FLOT2: variants seen among roughly 807,000 people sequenced by gnomAD.
FLOT2 encodes flotillin 2, also known as flotillin-2.
Under a neutral mutation model 54.9 loss-of-function variants are expected in FLOT2, and 35 were observed. That is an observed-to-expected ratio of 0.64 (90% CI 0.49 to 0.84). The LOEUF (loss-of-function observed/expected upper bound fraction) is 0.84. Ranked by LOEUF, FLOT2 falls within the 40% of genes least tolerant of loss-of-function variation. The pLI is 0.00. For synonymous variants in FLOT2, 207 were observed against 228.9 expected, an observed-to-expected ratio of 0.90 and a Z score of 0.86; for missense variants, 464 against 572.1, an observed-to-expected ratio of 0.81 and a Z score of 1.93.
intron 2 of FLOT2, among the ~76,000 whole-genome samples, chr17:28,886,973 C>T (rs2039557602): frequency 6.6e-6 from 1 of 151,996 alleles, no homozygotes; most frequent in African/African-American, 2.4e-5. Flanking sequence ...AGACAGGAAC[C>T]CACCAAGCTC....
chr17:28,893,007 C>G (rs1421393249), intron 1 of FLOT2: 1 of 152,256 alleles, frequency 6.6e-6, no homozygotes, highest in Non-Finnish European at 1.5e-5. Flanking sequence ...ACAGCTCAAG[C>G]TGGGCCTTGG....
chr17:28,889,734 G>C (rs1280542450), intron 1 of FLOT2, among the ~76,000 whole-genome samples: 4 of 152,086 alleles, frequency 2.6e-5, no homozygotes, highest in African/African-American at 9.6e-5. Context: ...CTGCCTCCCA[G>C]GTTCAAGCAA....
In FLOT2 at chr17:28,897,384, G is replaced by C. The variant is rs1043878746; in HGVS notation, c.49+142C>G. 2.8e-5 allele frequency: 20 copies of C among 718,068 alleles called. No homozygotes were observed. The East Asian group carries it at 6.4e-4, about 23-fold the overall frequency. 44.5% of individuals were successfully genotyped at this position (718,068 alleles called of 1,614,324 possible). A position where few individuals can be genotyped will look rare whatever the true frequency, so the allele number is the denominator to read the frequency against. On this transcript the variant is annotated intron_variant, in intron 1 of 10. Coordinates refer to ENST00000394908, the MANE Select transcript of FLOT2 (RefSeq NM_004475.3). The surrounding 1 kb of genome is among the most constrained non-coding windows in gnomAD (Gnocchi z 4.4). Reference sequence around the variant, plus strand: ...AAGCGTGAGCACGAGATCTCTCTTGGAAGGGGCCTCAGGTGCGGCCCGGGG... The same window carrying C: ...AAGCGTGAGCACGAGATCTCTCTTGCAAGGGGCCTCAGGTGCGGCCCGGGG...
chr17:28,887,231 A>G (rs995020008), intron 2 of FLOT2, among the ~76,000 whole-genome samples: 1 of 152,164 alleles, frequency 6.6e-6, no homozygotes, highest in Non-Finnish European at 1.5e-5. Context: ...AGACAGCTGC[A>G]GAAAGGACCT....
rs2039476312 is a variant in FLOT2, at chr17:28,882,702, A to G, written c.347-11T>C. The G allele has an allele frequency of 1.3e-6, 2 of 1,577,452 alleles. No individual in the cohort carries two copies. Among genetic ancestry groups the G allele is most frequent in the African/African-American group, 1.3e-5 (1 of 74,178 alleles). On this transcript the variant is annotated splice_polypyrimidine_tract_variant and intron_variant, in intron 4 of 10. Transcript: ENST00000394908. This position sits in a 1 kb window ranked among gnomAD's most constrained non-coding sequence, Gnocchi z 5.6. Reference sequence around the variant, plus strand: ...CCACTGTCAGGGTCCCTGGGGGCAGAGGGATCAAGGGCTGGCTCCCCAGGG... The same window carrying G: ...CCACTGTCAGGGTCCCTGGGGGCAGGGGGATCAAGGGCTGGCTCCCCAGGG...
chr17:28,895,587 T>C (rs1020862408), intron 1 of FLOT2, among the ~76,000 whole-genome samples: 3 of 152,110 alleles, frequency 2.0e-5, no homozygotes, highest in Non-Finnish European at 2.9e-5. Flanking sequence ...GTACCAGAAA[T>C]AACTGTAGTG....
chr17:28,896,223 T>C (rs1340360399), intron 1 of FLOT2, among the ~76,000 whole-genome samples: 9 of 152,244 alleles, frequency 5.9e-5, no homozygotes, highest in Non-Finnish European at 1.2e-4. Flanking sequence ...TCTGGGGCTC[T>C]TCTTGCCCCT....
intron 1 of FLOT2, among the ~76,000 whole-genome samples, chr17:28,891,047 A>G (rs1270122164): frequency 6.6e-6 from 1 of 151,484 alleles, no homozygotes; most frequent in Non-Finnish European, 1.5e-5. Context: ...TGCCCAGCTA[A>G]TTTTTGTATT....
At chr17:28,886,911 C>A (rs544034890) in intron 2 of FLOT2, among the ~76,000 whole-genome samples, 2 of 152,122 alleles carry the variant, frequency 1.3e-5, no homozygotes, top group African/African-American at 4.8e-5. Flanking sequence ...TGCCTTCATT[C>A]GAGCCCCTAA....
rs370971335 is a variant in FLOT2, at chr17:28,897,511, T to C, written c.49+15A>G. Reference sequence around the variant, plus strand: ...GCACCCTCCACAGCTCCCACCTTCCTCGCCGCCCCCTCACCTGAAACCACC... The same window carrying C: ...GCACCCTCCACAGCTCCCACCTTCCCCGCCGCCCCCTCACCTGAAACCACC... On this transcript the variant is annotated intron_variant, in intron 1 of 10. Coordinates refer to ENST00000394908, the MANE Select transcript of FLOT2 (RefSeq NM_004475.3). The surrounding 1 kb of genome is among the most constrained non-coding windows in gnomAD (Gnocchi z 4.4). 1.9e-5 allele frequency: 31 copies of C among 1,601,994 alleles called. No homozygotes were observed. The highest frequency in any genetic ancestry group is 2.5e-5 in the Non-Finnish European group (29 of 1,174,556).
At chr17:28,885,480 A>G (rs2039523949) in intron 2 of FLOT2, 1 of 669,286 alleles carries the variant, frequency 1.5e-6, no homozygotes, top group East Asian at 2.7e-5. Context: ...GAGCTGGTGA[A>G]TGAAGCAATG....
chr17:28,880,661 C>G (rs2039430518), intron 10 of FLOT2, 52 bp downstream of exon 10: 1 of 1,613,620 alleles, frequency 6.2e-7, no homozygotes, highest in Non-Finnish European at 8.5e-7. Context: ...TTTGCCTGGG[C>G]CAGTCCGACG....
In FLOT2 at chr17:28,886,128, C is replaced by T. The variant is rs1292599802; in HGVS notation, c.132-1813G>A. ...TCAGCCGAGGGCTGCAGGACAGCAG[C>T]GACCTCCTGTGCTGATCCGAGGCCT... On this transcript the variant is annotated intron_variant, in intron 2 of 10. Coordinates refer to ENST00000394908, the MANE Select transcript of FLOT2 (RefSeq NM_004475.3). The T allele has an allele frequency of 2.0e-5, 13 of 643,436 alleles. No individual in the cohort carries two copies. In the East Asian group the frequency reaches 2.5e-4, roughly 12 times the overall value. The allele number at this position is 643,436 out of a possible 1,614,324, so 39.9% of individuals were successfully genotyped here. A position where few individuals can be genotyped will look rare whatever the true frequency, so the allele number is the denominator to read the frequency against.
chr17:28,889,915 G>A (rs148787611), intron 1 of FLOT2, among the ~76,000 whole-genome samples: 2,481 of 152,294 alleles, frequency 0.016, 30 homozygotes, highest in Non-Finnish European at 0.026. Context: ...TGGGATTACA[G>A]GCATGAGCCA....
chr17:28,885,372 C>T (rs779671977), intron 2 of FLOT2, among the ~76,000 whole-genome samples: 11 of 152,192 alleles, frequency 7.2e-5, no homozygotes, highest in African/African-American at 1.2e-4. Flanking sequence ...CTCTTCCAGG[C>T]TGGGAACCCG....
chr17:28,880,988 G>C, intron 9 of FLOT2, 126 bp from the exon 10 acceptor site: 3 of 1,288,714 alleles, frequency 2.3e-6, no homozygotes, highest in Non-Finnish European at 2.2e-6. Flanking sequence ...CCTTAGTCTC[G>C]AGCCATGGTA....
chr17:28,881,673 T>C lies in FLOT2; in HGVS notation c.914+141A>G. 4 of 771,820 alleles carry C rather than the reference T, an allele frequency of 5.2e-6. 1 individual carries two copies. The highest frequency in any genetic ancestry group is 5.1e-5 in the South Asian group (3 of 59,402). The allele number at this position is 771,820 out of a possible 1,614,324, so 47.8% of individuals were successfully genotyped here. On this transcript the variant is annotated intron_variant, in intron 8 of 10. Coordinates refer to ENST00000394908, the MANE Select transcript of FLOT2 (RefSeq NM_004475.3). ...AGCAGTCCCACAGGGGACATGGGGT[T>C]ATCCTCACTTCACAGTGAGTAAGAA...
Position 28,889,042 on chromosome 17 carries a change from A to G in FLOT2, c.50-16T>C. ...CAACAGCCCCCTGGGGAGCAAAGCAAACCACCGCAAGTCAGTCGGTTCTTG... is the reference window on the plus strand; with the variant it reads ...CAACAGCCCCCTGGGGAGCAAAGCAGACCACCGCAAGTCAGTCGGTTCTTG... On this transcript the variant is annotated splice_polypyrimidine_tract_variant and intron_variant, in intron 1 of 10. Transcript: ENST00000394908. The G allele has an allele frequency of 6.2e-7, 1 of 1,612,398 alleles. No individual in the cohort carries two copies. The highest frequency in any genetic ancestry group is 1.1e-5 in the South Asian group (1 of 90,978).
intron 1 of FLOT2, among the ~76,000 whole-genome samples, chr17:28,890,477 C>G (rs966738991): frequency 6.6e-5 from 10 of 151,656 alleles, no homozygotes; most frequent in African/African-American, 2.2e-4. Flanking sequence ...AGCTCCACCT[C>G]CCGGGTTCAC....
Sources: gnomAD v4.1 joint callset for allele counts (sites outside exome capture counted in the v4.1 genomes callset) on GRCh38, gnomAD v4.1.1 for gene constraint, Gnocchi (gnomAD v3.1) non-coding constraint, MANE v1.5 for transcripts, NCBI Gene and HGNC (gene_info 2026-07-23, HGNC 2026-07-21) for gene names.